The following PYHIN1 variants were observed in gnomAD, a reference collection of about 807,000 sequenced individuals.
The protein encoded by PYHIN1 is pyrin and HIN domain-containing protein 1.
PYHIN1 carries 32 observed loss-of-function variants against 43.7 expected under a neutral mutation model. That is an observed-to-expected ratio of 0.73 (90% CI 0.55 to 0.98). The LOEUF (loss-of-function observed/expected upper bound fraction) is 0.98. PYHIN1 is among the 50% of genes least tolerant of loss of function. PYHIN1 has a pLI of 0.00. For missense variants in PYHIN1, 588 were observed against 589.5 expected (o/e 1.00, Z 0.03); for synonymous variants, 205 against 203.1 (o/e 1.01, Z -0.08).
downstream of PYHIN1, among the ~76,000 whole-genome samples, chr1:158,980,786 C>G (rs1342121782): frequency 6.6e-6 from 1 of 152,126 alleles, no homozygotes; most frequent in Admixed American, 6.5e-5. Flanking sequence ...GTCCCGTTCC[C>G]TCAGAAGTAT....
intron 7 of PYHIN1, among the ~76,000 whole-genome samples, chr1:158,953,103 C>A (rs557131788): frequency 6.6e-6 from 1 of 152,208 alleles, no homozygotes; most frequent in Non-Finnish European, 1.5e-5. Context: ...GAGGGTCCTA[C>A]GCCCACGGGT....
downstream of PYHIN1, among the ~76,000 whole-genome samples, chr1:158,977,636 A>G (rs573708453): frequency 3.8e-4 from 58 of 152,230 alleles, 1 homozygote; most frequent in South Asian, 0.01. Context: ...AAAACTTACA[A>G]TGTATTTATG....
At chr1:158,987,057 C>T in the PYHIN1 span, among the ~76,000 whole-genome samples, 2 of 152,184 alleles carry the variant, frequency 1.3e-5, no homozygotes, top group Non-Finnish European at 2.9e-5. Flanking sequence ...TTCTCAACAT[C>T]CTTACCAACA....
chr1:158,989,571 T>C, the PYHIN1 span, among the ~76,000 whole-genome samples: 2 of 152,186 alleles, frequency 1.3e-5, no homozygotes, highest in African/African-American at 2.4e-5. Context: ...TGGAACATCA[T>C]GTAACGATGA....
chr1:158,970,162 A>G (rs553120342), intron 7 of PYHIN1, among the ~76,000 whole-genome samples: 1 of 152,168 alleles, frequency 6.6e-6, no homozygotes, highest in Admixed American at 6.6e-5. Context: ...CAGGGATGCT[A>G]TTAGGGAGAA....
downstream of PYHIN1, among the ~76,000 whole-genome samples, chr1:158,978,611 C>A (rs1196565759): frequency 6.6e-6 from 1 of 151,974 alleles, no homozygotes; most frequent in African/African-American, 2.4e-5. Context: ...TATAATGGAC[C>A]ACTCTTGAGT....
At position 158,943,792 on chromosome 1, in the gene PYHIN1, A is replaced by T. The variant is rs148854814; in HGVS notation, c.1005A>T (p.Lys335Asn). The change falls in exon 6 of 9, where the codon AAA (lysine) becomes AAT (asparagine). Residue 335 changes from lysine (K) to asparagine (N), a missense_variant and splice_region_variant. Coordinates refer to ENST00000368140, the MANE Select transcript of PYHIN1 (RefSeq NM_152501.5). ...ATGATATTAATTTTTTGTTGCAGAA[A>T]ATTGTAAATAGGAAGACGACAATCT... ...IVYGLFMLHT[K>N]IVNRKTTIYE... The T allele has an allele frequency of 6.3e-7, 1 of 1,591,780 alleles. No individual in the cohort carries two copies. Among genetic ancestry groups the T allele is most frequent in the Non-Finnish European group, 8.6e-7 (1 of 1,165,580 alleles).
At chr1:158,950,303 G>T (rs922518225) in intron 7 of PYHIN1, among the ~76,000 whole-genome samples, 2 of 152,202 alleles carry the variant, frequency 1.3e-5, no homozygotes, top group African/African-American at 4.8e-5. Context: ...GTCTGTGTCA[G>T]GAGCAGGATT....
chr1:158,983,117 T>A, the PYHIN1 span, among the ~76,000 whole-genome samples: 5 of 151,642 alleles, frequency 3.3e-5, no homozygotes, highest in African/African-American at 1.2e-4. Flanking sequence ...TTCTTTCTAT[T>A]TGGACGTCTT....
At chr1:158,941,243 T>C (rs1464041859) in intron 4 of PYHIN1, among the ~76,000 whole-genome samples, 1 of 152,218 alleles carries the variant, frequency 6.6e-6, no homozygotes, top group African/African-American at 2.4e-5. Flanking sequence ...CATTAATGTG[T>C]TCTGCTGCAA....
intron 1 of PYHIN1, among the ~76,000 whole-genome samples, chr1:158,932,261 C>T (rs1375672690): frequency 2.6e-5 from 4 of 152,072 alleles, no homozygotes; most frequent in Admixed American, 2.0e-4. Context: ...ACATTGAATC[C>T]ATATGGGCAC....
At chr1:158,983,046 G>T in the PYHIN1 span, among the ~76,000 whole-genome samples, 1 of 152,042 alleles carries the variant, frequency 6.6e-6, no homozygotes, top group Non-Finnish European at 1.5e-5. Flanking sequence ...TGGGGCAAAG[G>T]CTATGGGGTT....
intron 7 of PYHIN1, among the ~76,000 whole-genome samples, chr1:158,953,116 C>A (rs1031851000): frequency 3.3e-5 from 5 of 152,188 alleles, no homozygotes; most frequent in Non-Finnish European, 7.3e-5. Context: ...CCACGGGTCT[C>A]GCTGATTGCT....
intron 8 of PYHIN1, among the ~76,000 whole-genome samples, chr1:158,975,577 TA>T (rs1571792016): frequency 6.6e-6 from 1 of 152,210 alleles, no homozygotes; most frequent in Non-Finnish European, 1.5e-5. Context: ...TTCTACTGGG[TA>T]AAGCTGGAAG....
At chr1:158,973,505 T>A (rs1450725803) in intron 7 of PYHIN1, 142 bp from the exon 8 acceptor site, 11 of 482,816 alleles carry the variant, frequency 2.3e-5, no homozygotes, top group East Asian at 1.7e-4. Flanking sequence ...AAAGGGATTT[T>A]CACACACACA....
At chr1:158,936,855 A>G in intron 1 of PYHIN1, 36 bp from the exon 2 acceptor site, 1 of 1,379,074 alleles carries the variant, frequency 7.3e-7, no homozygotes, top group Non-Finnish European at 9.8e-7. Flanking sequence ...TTCTCTGTAT[A>G]CATGTGTAAC....
intron 7 of PYHIN1, among the ~76,000 whole-genome samples, chr1:158,969,935 T>C (rs1303070481): frequency 6.6e-6 from 1 of 152,000 alleles, no homozygotes; most frequent in Non-Finnish European, 1.5e-5. Flanking sequence ...CCTTTTCTGC[T>C]TTGGTGACCC....
At chr1:158,934,858 G>A (rs1571713867) in intron 1 of PYHIN1, among the ~76,000 whole-genome samples, 2 of 152,108 alleles carry the variant, frequency 1.3e-5, no homozygotes, top group African/African-American at 4.8e-5. Context: ...GAGTAGCTTG[G>A]ATTATGGATT....
At chr1:158,953,197 GC>G (rs1649677108) in intron 7 of PYHIN1, among the ~76,000 whole-genome samples, 1 of 18,158 alleles carries the variant, frequency 5.5e-5, no homozygotes, top group Non-Finnish European at 4.8e-3. Flanking sequence ...CATTGCCCAG[GC>G]TTATTAGGTA....
Sources: gnomAD v4.1 joint callset for allele counts (sites outside exome capture counted in the v4.1 genomes callset) on GRCh38, gnomAD v4.1.1 for gene constraint, MANE v1.5 for transcripts, NCBI Gene and HGNC (gene_info 2026-07-23, HGNC 2026-07-21) for gene names.